The following COL27A1 variants were observed in gnomAD, a reference collection of about 807,000 sequenced individuals.
COL27A1 encodes collagen alpha-1(XXVII) chain.
In COL27A1, 106 loss-of-function variants were observed where a neutral mutation model predicts 251.3. The observed-to-expected ratio is 0.42, with a 90% CI of 0.36 to 0.50. The LOEUF is 0.50. Ranked by LOEUF, COL27A1 falls within the 20% of genes least tolerant of loss-of-function variation. The pLI, the probability that COL27A1 is intolerant of heterozygous loss-of-function variation, is 0.00. For synonymous variants in COL27A1, 1,000 were observed against 986.3 expected (o/e 1.01, Z -0.26); for missense variants, 2,325 against 2,522.8 (o/e 0.92, Z 1.68).
chr9:114,301,161 C>A, intron 52 of COL27A1, 36 bp downstream of exon 52: 1 of 1,612,848 alleles, frequency 6.2e-7, no homozygotes, highest in Non-Finnish European at 8.5e-7. Flanking sequence ...ACTCCGGGGT[C>A]CCCTTGCCTT....
chr9:114,303,108 A>C (rs1406701640), intron 56 of COL27A1, among the ~76,000 whole-genome samples: 1 of 152,228 alleles, frequency 6.6e-6, no homozygotes, highest in Admixed American at 6.5e-5. Flanking sequence ...GGGAAAGGAA[A>C]GTGAAAAGAT....
At chr9:114,246,165 G>T in intron 24 of COL27A1, 1 of 435,386 alleles carries the variant, frequency 2.3e-6, no homozygotes, top group Non-Finnish European at 4.0e-6. Context: ...CAGGTTTTTG[G>T]TGCATTTGCC....
chr9:114,303,357 GC>G (rs1828804148), intron 56 of COL27A1, among the ~76,000 whole-genome samples: 1 of 150,724 alleles, frequency 6.6e-6, no homozygotes, highest in African/African-American at 2.4e-5. Flanking sequence ...TCCTGCCTCA[GC>G]CTCCTGAATA....
In COL27A1 at chr9:114,178,278, G is replaced by T. The variant is rs774821525; in HGVS notation, c.1909-13G>T. On this transcript the variant is annotated splice_polypyrimidine_tract_variant and intron_variant, in intron 3 of 60. Transcript: ENST00000356083. ...GGGCACTGTCTAATGCTGTCTTCTT[G>T]TTTTCTCCTCAGGGTCCCCCTGGGC... The T allele has an allele frequency of 5.6e-6, 9 of 1,613,310 alleles. No homozygotes were observed. Among genetic ancestry groups the T allele is most frequent in the Non-Finnish European group, 6.8e-6 (8 of 1,179,374 alleles).
chr9:114,227,198 G>A (rs1238188104), intron 14 of COL27A1, among the ~76,000 whole-genome samples: 6 of 152,130 alleles, frequency 3.9e-5, no homozygotes, highest in East Asian at 3.8e-4. Flanking sequence ...ATTAGCCTCC[G>A]GAGGTCCACT....
chr9:114,228,623 C>T (rs1377176693), intron 14 of COL27A1, among the ~76,000 whole-genome samples: 1 of 152,232 alleles, frequency 6.6e-6, no homozygotes, highest in African/African-American at 2.4e-5. Flanking sequence ...CTCTCAGAGC[C>T]TCAGTTTCCT....
At chr9:114,187,730 T>C (rs1032458435) in intron 5 of COL27A1, among the ~76,000 whole-genome samples, 6 of 152,234 alleles carry the variant, frequency 3.9e-5, no homozygotes, top group Non-Finnish European at 8.8e-5. Flanking sequence ...TTGGCATCCA[T>C]CACATATGAT....
intron 41 of COL27A1, among the ~76,000 whole-genome samples, chr9:114,285,465 C>T (rs979737819): frequency 6.6e-6 from 1 of 152,158 alleles, no homozygotes. Context: ...CTACCTTCGT[C>T]GCCTGAGTCC....
chr9:114,182,177 A>AAATAATAAT (rs71367755), intron 4 of COL27A1, among the ~76,000 whole-genome samples: 23,288 of 137,924 alleles, frequency 0.17, 2,141 homozygotes, highest in South Asian at 0.23. Context: ...CATCTCTATA[A>AAATAATAAT]AATAATAATA....
intron 37 of COL27A1, among the ~76,000 whole-genome samples, chr9:114,279,457 G>A (rs893166569): frequency 2.0e-5 from 3 of 152,114 alleles, no homozygotes; most frequent in South Asian, 2.1e-4. Context: ...AGTGCAGTCC[G>A]ATAGAAATGA....
At chr9:114,249,829 C>T (rs1014839255) in intron 24 of COL27A1, among the ~76,000 whole-genome samples, 7 of 152,210 alleles carry the variant, frequency 4.6e-5, no homozygotes, top group African/African-American at 1.7e-4. Context: ...CTTCCAAAGC[C>T]ACTTCTGCAC....
At chr9:114,247,916 G>A (rs960356775) in intron 24 of COL27A1, among the ~76,000 whole-genome samples, 3 of 152,070 alleles carry the variant, frequency 2.0e-5, no homozygotes, top group African/African-American at 4.8e-5. Flanking sequence ...CAAAAACTGC[G>A]ATTACTTTTG....
In COL27A1 at chr9:114,168,418, C is replaced by A. The variant is rs376805833; in HGVS notation, c.863C>A (p.Pro288His). 4.0e-5 allele frequency: 64 copies of A among 1,613,270 alleles called. 1 individual carries two copies. In the African/African-American group the frequency reaches 6.7e-4, roughly 17 times the overall value. Residue 288 changes from proline to histidine, a missense_variant, in exon 3 of 61, where the codon CCC (proline) becomes CAC (histidine). Around this residue, in one of 4 missense-constraint regions of COL27A1, gnomAD observed 1,183 missense variants for 1,144.1 expected, o/e 1.03. Transcript: ENST00000356083. ...GGGTCACTGCCAGCAGGCAGGGGAC[C>A]CAGGGGGACTGTGGCACCCGCCACG... The part of the protein sequence containing the change: ...ALGSLPAGRG[P>H]RGTVAPATPT...
chr9:114,288,584 G>C, intron 42 of COL27A1, 73 bp downstream of exon 42: 1 of 1,548,918 alleles, frequency 6.5e-7, no homozygotes, highest in African/African-American at 1.4e-5. Context: ...ATGGAGAGGG[G>C]TGGGCCGATC....
intron 25 of COL27A1, among the ~76,000 whole-genome samples, chr9:114,251,397 G>A (rs556704587): frequency 6.6e-6 from 1 of 151,956 alleles, no homozygotes; most frequent in Admixed American, 6.5e-5. Context: ...CCAGACCCTC[G>A]GGCCTCTGCC....
At position 114,194,425 on chromosome 9, in the gene COL27A1, C is replaced by T. The variant is rs925527457; in HGVS notation, c.2038C>T (p.Leu680Phe). The T allele has an allele frequency of 2.5e-6, 4 of 1,612,868 alleles. No homozygotes were observed. The highest frequency in any genetic ancestry group is 1.7e-6 in the Non-Finnish European group (2 of 1,179,510). The change falls in exon 6 of 61, where the codon CTC becomes TTC. Residue 680 changes from leucine to phenylalanine, a missense_variant. By Grantham distance (22) the Leu-to-Phe change is conservative. Around this residue, in one of 4 missense-constraint regions of COL27A1, gnomAD observed 1,183 missense variants for 1,144.1 expected, o/e 1.03. Transcript: ENST00000356083. ...GAKGQKGDPG[L>F]SPGKAHDGAK... Reference sequence around the variant, plus strand: ...TCAGGGACAGAAAGGGGACCCAGGGCTCTCACCAGGAAAGGCCCACGATGG... The same window carrying T: ...TCAGGGACAGAAAGGGGACCCAGGGTTCTCACCAGGAAAGGCCCACGATGG...
At chr9:114,174,792 A>G (rs1827277724) in intron 3 of COL27A1, among the ~76,000 whole-genome samples, 1 of 152,232 alleles carries the variant, frequency 6.6e-6, no homozygotes, top group South Asian at 2.1e-4. Flanking sequence ...CTGTTCCAGC[A>G]GGTCCTTCCC....
At chr9:114,163,249 G>A (rs922669670) in intron 2 of COL27A1, among the ~76,000 whole-genome samples, 2 of 151,732 alleles carry the variant, frequency 1.3e-5, no homozygotes, top group African/African-American at 2.4e-5. Context: ...AAAAAGAATC[G>A]CATTTGAAGT....
chr9:114,275,236 C>T lies in COL27A1; in HGVS notation c.3610-425C>T, dbSNP rs540271066. Among the ~76,000 whole-genome samples, 5 of 151,966 alleles carry T rather than the reference C, an allele frequency of 3.3e-5. No homozygotes were observed. In the South Asian group the frequency reaches 1.0e-3, roughly 32 times the overall value. On this transcript the variant is annotated intron_variant, in intron 36 of 60. Transcript: ENST00000356083. ...CTATAATTGCGCCTCTGCACTCCAG[C>T]CTGGGAGAGAGTGAGACTCTGTCTA...
Sources: gnomAD v4.1 joint callset for allele counts (sites outside exome capture counted in the v4.1 genomes callset) on GRCh38, gnomAD v4.1.1 for gene constraint, gnomAD v4.1.1 regional missense constraint, MANE v1.5 for transcripts, NCBI Gene and HGNC (gene_info 2026-07-23, HGNC 2026-07-21) for gene names.